The following CHD1L variants were observed in gnomAD, a reference collection of about 807,000 sequenced individuals.
CHD1L encodes the protein chromodomain helicase DNA binding protein 1 like, also known as ATP-dependent chromatin remodeler CHD1L.
CHD1L carries 118 observed loss-of-function variants against 115.9 expected under a neutral mutation model. That is an observed-to-expected ratio of 1.02 (90% confidence interval 0.88 to 1.19). CHD1L has a LOEUF of 1.19. Ranked by LOEUF, CHD1L falls within the 50% of genes most tolerant of loss-of-function variation. The pLI, the probability that CHD1L is intolerant of heterozygous loss-of-function variation, is 0.00. For missense variants in CHD1L, 1,179 were observed against 1,065.3 expected (o/e 1.11, Z -1.49); for synonymous variants, 411 against 387.1 (o/e 1.06, Z -0.72).
At chr1:147,291,924 C>T (rs916748021) in intron 20 of CHD1L, among the ~76,000 whole-genome samples, 2 of 151,968 alleles carry the variant, frequency 1.3e-5, no homozygotes, top group South Asian at 2.1e-4. Flanking sequence ...TTCATTGCCC[C>T]TTTAAAGACT....
chr1:147,260,977 C>CTA (rs1228890462), intron 6 of CHD1L: 2 of 152,126 alleles, frequency 1.3e-5, no homozygotes, highest in East Asian at 3.8e-4. Context: ...GGTCCTTGTC[C>CTA]TATAATAAAC....
At chr1:147,290,690 G>C (rs1685176686) in intron 19 of CHD1L, among the ~76,000 whole-genome samples, 1 of 152,036 alleles carries the variant, frequency 6.6e-6, no homozygotes, top group Non-Finnish European at 1.5e-5. Flanking sequence ...GTCTCACCCT[G>C]TCACCCAGGC....
chr1:147,284,586 C>T lies in CHD1L; in HGVS notation c.1854+87C>T, dbSNP rs587764554. ...AAAATGATGCTGGCATCGTTTTGTT[C>T]TCTTAGGATGATTTGTCAAGAAATA... On this transcript the variant is annotated intron_variant, in intron 16 of 22. Coordinates refer to ENST00000369258, the MANE Select transcript of CHD1L (RefSeq NM_004284.6). 3.4e-6 allele frequency: 4 copies of T among 1,183,280 alleles called. No homozygotes were observed. The African/African-American group carries it at 4.7e-5, about 14-fold the overall frequency. The allele number at this position is 1,183,280 out of a possible 1,614,324, so 73.3% of individuals were successfully genotyped here. A position where few individuals can be genotyped will look rare whatever the true frequency, so the allele number is the denominator to read the frequency against.
At chr1:147,258,314 C>T (rs6593752) in intron 5 of CHD1L, among the ~76,000 whole-genome samples, 53,867 of 151,908 alleles carry the variant, frequency 0.35, 9,789 homozygotes, top group African/African-American at 0.42. Context: ...TGATTTGACC[C>T]ACTTCCTTTC....
intron 8 of CHD1L, among the ~76,000 whole-genome samples, chr1:147,267,053 G>A (rs1674221927): frequency 6.6e-6 from 1 of 152,150 alleles, no homozygotes. Flanking sequence ...AAACTTTTTT[G>A]TTGAATCAAA....
At chr1:147,226,700 C>G in the CHD1L span, among the ~76,000 whole-genome samples, 1 of 152,198 alleles carries the variant, frequency 6.6e-6, no homozygotes. Context: ...CAATTTTGCT[C>G]TTCCAATCTG....
chr1:147,239,538 C>T (rs1474413592), upstream of CHD1L, among the ~76,000 whole-genome samples: 2 of 152,146 alleles, frequency 1.3e-5, no homozygotes, highest in Non-Finnish European at 2.9e-5. Flanking sequence ...CCATGCTGGC[C>T]CCAAAACTAT....
At chr1:147,241,907 A>G (rs949380034), upstream of CHD1L, among the ~76,000 whole-genome samples, 1 of 152,204 alleles carries the variant, frequency 6.6e-6, no homozygotes, top group Non-Finnish European at 1.5e-5. Flanking sequence ...CAATGTGGGG[A>G]CAATTATAAC....
chr1:147,286,207 A>C, intron 17 of CHD1L, 91 bp from the exon 18 acceptor site: 1 of 1,216,986 alleles, frequency 8.2e-7, no homozygotes, highest in Admixed American at 2.3e-5. Context: ...TCTACTTGGC[A>C]GATATTGTTT....
At chr1:147,192,649 T>C in the CHD1L span, among the ~76,000 whole-genome samples, 937 of 152,262 alleles carry the variant, frequency 6.2e-3, 14 homozygotes, top group African/African-American at 0.021. Context: ...GCTGTGGGTT[T>C]GTCATAGGTA....
chr1:147,274,781 T>C (rs950558370), intron 12 of CHD1L, among the ~76,000 whole-genome samples: 7 of 152,140 alleles, frequency 4.6e-5, no homozygotes, highest in African/African-American at 1.7e-4. Flanking sequence ...TTTTGATTAA[T>C]GTGGAAACCA....
the CHD1L span, among the ~76,000 whole-genome samples, chr1:147,182,326 A>G: frequency 6.6e-6 from 1 of 152,186 alleles, no homozygotes; most frequent in Non-Finnish European, 1.5e-5. Context: ...TCTGTGTAGA[A>G]TGTCCATATA....
chr1:147,293,339 G>A (rs1180517014), intron 20 of CHD1L, among the ~76,000 whole-genome samples: 2 of 151,610 alleles, frequency 1.3e-5, no homozygotes, highest in Non-Finnish European at 2.9e-5. Flanking sequence ...GAGAGCTTTT[G>A]GAAAGTATAT....
intron 19 of CHD1L, among the ~76,000 whole-genome samples, chr1:147,289,619 C>G (rs587752154): frequency 8.5e-4 from 130 of 152,198 alleles, no homozygotes; most frequent in African/African-American, 2.9e-3. Context: ...ACTGTGGATT[C>G]CAATTCCCAG....
the CHD1L span, chr1:147,224,798 A>C: frequency 4.0e-6 from 5 of 1,247,708 alleles, no homozygotes; most frequent in Admixed American, 5.3e-5. Flanking sequence ...GCGTGTGCCA[A>C]CCGCGCCCGG....
At chr1:147,229,714 A>C in the CHD1L span, among the ~76,000 whole-genome samples, 1 of 151,980 alleles carries the variant, frequency 6.6e-6, no homozygotes, top group African/African-American at 2.4e-5. Context: ...CTCCTTGAGG[A>C]GGTACTTCAC....
chr1:147,281,019 G>C (rs12072053), intron 15 of CHD1L, among the ~76,000 whole-genome samples: 98,552 of 151,938 alleles, frequency 0.65, 32,083 homozygotes, highest in South Asian at 0.7. Context: ...ATGATTTCTG[G>C]TTTTGTAGTT....
the CHD1L span, among the ~76,000 whole-genome samples, chr1:147,208,010 G>A: frequency 1.3e-5 from 2 of 152,048 alleles, no homozygotes; most frequent in Admixed American, 1.3e-4. Flanking sequence ...TCAGCCTTTG[G>A]GGTAGGTTTG....
At chr1:147,212,491 T>G in the CHD1L span, 3 of 1,613,776 alleles carry the variant, frequency 1.9e-6, no homozygotes, top group South Asian at 3.3e-5. Context: ...TCTGGGTTCT[T>G]ATAGTCTCGA....
Sources: gnomAD v4.1 joint callset for allele counts (sites outside exome capture counted in the v4.1 genomes callset) on GRCh38, gnomAD v4.1.1 for gene constraint, MANE v1.5 for transcripts, NCBI Gene and HGNC (gene_info 2026-07-23, HGNC 2026-07-21) for gene names.